MIS18A: variants seen among roughly 807,000 people sequenced by gnomAD.
MIS18A encodes the protein protein Mis18-alpha.
Under a neutral mutation model 25.0 loss-of-function variants are expected in MIS18A, and 14 were observed. That is an observed-to-expected ratio of 0.56 (90% confidence interval 0.37 to 0.88). The LOEUF (loss-of-function observed/expected upper bound fraction) is 0.88, where lower values mean the gene tolerates loss of function less well. Among genes scored for constraint, MIS18A ranks in the 40% least tolerant of loss-of-function variants. The pLI is 0.00. For synonymous variants in MIS18A, 134 were observed against 118.6 expected (o/e 1.13, Z -0.84); for missense variants, 292 against 290.8 (o/e 1.00, Z -0.03).
rs1223490579 is a variant in MIS18A, at chr21:32,278,955, G to A, written c.60C>T (p.Gly20=). The part of the protein sequence containing the change: ...SRGCAGGCEC[G]DKGKCSDSSL... Reference sequence around the variant, plus strand: ...AGGAGTCGCTGCATTTGCCCTTGTCGCCGCACTCACAGCCGCCAGCGCATC... The same window carrying A: ...AGGAGTCGCTGCATTTGCCCTTGTCACCGCACTCACAGCCGCCAGCGCATC... The change falls in exon 1 of 5, where the codon GGC becomes GGT. Residue 20 remains glycine, a synonymous_variant. Coordinates refer to ENST00000290130, the MANE Select transcript of MIS18A (RefSeq NM_018944.3). 3 of 1,612,700 alleles carry A rather than the reference G, an allele frequency of 1.9e-6. No individual in the cohort carries two copies. Among genetic ancestry groups the A allele is most frequent in the Middle Eastern group, 1.7e-4 (1 of 6,060 alleles).
At chr21:32,254,787 A>G in the MIS18A span, among the ~76,000 whole-genome samples, 1 of 152,172 alleles carries the variant, frequency 6.6e-6, no homozygotes, top group Non-Finnish European at 1.5e-5. Context: ...GCCCAGATTT[A>G]ACAGCCTCAG....
At chr21:32,200,447 T>C in the MIS18A span, among the ~76,000 whole-genome samples, 146 of 151,760 alleles carry the variant, frequency 9.6e-4, 1 homozygote, top group African/African-American at 3.5e-3. Flanking sequence ...TTTTTTTTTT[T>C]TTTTGAGACG....
the MIS18A span, among the ~76,000 whole-genome samples, chr21:32,213,234 A>G: frequency 0.37 from 55,804 of 152,112 alleles, 10,427 homozygotes; most frequent in East Asian, 0.45. Flanking sequence ...CTGAAATATT[A>G]TTTGGAAAGA....
downstream of MIS18A, among the ~76,000 whole-genome samples, chr21:32,266,814 A>T: frequency 6.6e-6 from 1 of 152,122 alleles, no homozygotes; most frequent in Non-Finnish European, 1.5e-5. Context: ...TTCCGGACAC[A>T]CTGCTTCTGG....
the MIS18A span, among the ~76,000 whole-genome samples, chr21:32,221,224 CAGAA>C: frequency 0.028 from 4,321 of 152,122 alleles, 97 homozygotes; most frequent in Middle Eastern, 0.041. Context: ...TAAGGGCAAC[CAGAA>C]AGAAAGGTCA....
the MIS18A span, among the ~76,000 whole-genome samples, chr21:32,193,521 TGG>T: frequency 5.7e-5 from 6 of 104,972 alleles, no homozygotes; most frequent in African/African-American, 1.4e-4. Context: ...GATAGATAGA[TGG>T]ATAGATCGAT....
At chr21:32,255,012 C>T in the MIS18A span, among the ~76,000 whole-genome samples, 1 of 152,180 alleles carries the variant, frequency 6.6e-6, no homozygotes, top group Non-Finnish European at 1.5e-5. Flanking sequence ...ATATATCAAA[C>T]TATTCATAAT....
At chr21:32,210,863 A>C in the MIS18A span, among the ~76,000 whole-genome samples, 2 of 152,104 alleles carry the variant, frequency 1.3e-5, no homozygotes, top group Non-Finnish European at 2.9e-5. Flanking sequence ...TGACCAAACC[A>C]TGAGTGTGGG....
the MIS18A span, among the ~76,000 whole-genome samples, chr21:32,195,046 T>C: frequency 6.6e-6 from 1 of 151,896 alleles, no homozygotes; most frequent in Non-Finnish European, 1.5e-5. Context: ...CATTTAAGAG[T>C]TTTAAATAAA....
At chr21:32,162,309 C>T in the MIS18A span, among the ~76,000 whole-genome samples, 2 of 152,182 alleles carry the variant, frequency 1.3e-5, no homozygotes, top group Admixed American at 6.5e-5. Flanking sequence ...CCCAACTGCA[C>T]TTCCTACTCC....
chr21:32,229,165 T>C, the MIS18A span, among the ~76,000 whole-genome samples: 2 of 152,212 alleles, frequency 1.3e-5, no homozygotes, highest in Non-Finnish European at 2.9e-5. Context: ...AAAACCTGTG[T>C]TAACTGGATA....
chr21:32,259,406 G>T, the MIS18A span, among the ~76,000 whole-genome samples: 2 of 152,122 alleles, frequency 1.3e-5, no homozygotes, highest in Non-Finnish European at 2.9e-5. Flanking sequence ...AAGCTCAAGG[G>T]CCTCCTTACC....
chr21:32,259,762 A>G, the MIS18A span: 1 of 152,182 alleles, frequency 6.6e-6, no homozygotes, highest in East Asian at 1.9e-4. Flanking sequence ...TCAGAGTGGC[A>G]TTCACACCCC....
At chr21:32,161,738 C>CA in the MIS18A span, among the ~76,000 whole-genome samples, 38,459 of 148,362 alleles carry the variant, frequency 0.26, 6,500 homozygotes, top group African/African-American at 0.48. Context: ...GTGATCTGCC[C>CA]ACCTTGGCCT....
the MIS18A span, among the ~76,000 whole-genome samples, chr21:32,252,236 AAGAAGGAGGAGG>A: frequency 0.021 from 762 of 36,740 alleles, 5 homozygotes; most frequent in South Asian, 0.089. Context: ...GAAGAAGAAG[AAGAAGGAGGAGG>A]AGGAGGAGGA....
At chr21:32,254,238 C>G in the MIS18A span, among the ~76,000 whole-genome samples, 1 of 145,754 alleles carries the variant, frequency 6.9e-6, no homozygotes, top group Admixed American at 6.9e-5. Context: ...CCCCCGACCC[C>G]AGAAAAAGTA....
At chr21:32,219,658 C>T in the MIS18A span, among the ~76,000 whole-genome samples, 1 of 152,144 alleles carries the variant, frequency 6.6e-6, no homozygotes, top group Non-Finnish European at 1.5e-5. Flanking sequence ...GGGCTGAAGC[C>T]AGGGAGCTAA....
chr21:32,174,610 C>T, the MIS18A span, among the ~76,000 whole-genome samples: 11,842 of 152,160 alleles, frequency 0.078, 470 homozygotes, highest in African/African-American at 0.099. Flanking sequence ...AATAACACAG[C>T]TTCAAAATAT....
chr21:32,194,764 G>C, the MIS18A span, among the ~76,000 whole-genome samples: 1 of 152,120 alleles, frequency 6.6e-6, no homozygotes, highest in Non-Finnish European at 1.5e-5. Flanking sequence ...ACAGGAGGCC[G>C]TTATTCCTAG....
Sources: gnomAD v4.1 joint callset for allele counts (sites outside exome capture counted in the v4.1 genomes callset) on GRCh38, gnomAD v4.1.1 for gene constraint, MANE v1.5 for transcripts, NCBI Gene and HGNC (gene_info 2026-07-23, HGNC 2026-07-21) for gene names.